The following SCFD1 variants were observed in gnomAD, a reference collection of about 807,000 sequenced individuals.
SCFD1 encodes sec1 family domain containing 1, also known as sec1 family domain-containing protein 1.
In SCFD1, 37 loss-of-function variants were observed where a neutral mutation model predicts 103.2. That is an observed-to-expected ratio of 0.36 (90% CI 0.28 to 0.47). The LOEUF (loss-of-function observed/expected upper bound fraction) is 0.47. SCFD1 is among the 20% of genes least tolerant of loss of function. The probability of loss-of-function intolerance (pLI) is 1.00; values close to 1 mark genes in which losing one functional copy is unlikely to be tolerated. For synonymous variants in SCFD1, 264 were observed against 245.0 expected (o/e 1.08, Z -0.73); for missense variants, 639 against 761.2 (o/e 0.84, Z 1.89).
chr14:30,713,707 A>G (rs944479915), intron 19 of SCFD1, among the ~76,000 whole-genome samples: 3 of 152,162 alleles, frequency 2.0e-5, no homozygotes, highest in Non-Finnish European at 4.4e-5. Flanking sequence ...ATTTTCCTCC[A>G]TTGTATAGAT....
At chr14:30,682,478 C>CACCG (rs1485883921) in intron 14 of SCFD1, among the ~76,000 whole-genome samples, 1 of 152,126 alleles carries the variant, frequency 6.6e-6, no homozygotes, top group Non-Finnish European at 1.5e-5. Context: ...GTGGCAAACC[C>CACCG]ACCGGTATGA....
At chr14:30,713,574 T>A (rs1170445233) in intron 19 of SCFD1, among the ~76,000 whole-genome samples, 1 of 152,222 alleles carries the variant, frequency 6.6e-6, no homozygotes, top group Non-Finnish European at 1.5e-5. Flanking sequence ...AAATCTCATT[T>A]TAGACTAAAT....
At chr14:30,691,603 G>T (rs1267509074) in intron 14 of SCFD1, among the ~76,000 whole-genome samples, 1 of 152,152 alleles carries the variant, frequency 6.6e-6, no homozygotes, top group Non-Finnish European at 1.5e-5. Flanking sequence ...CAGCTTTGTT[G>T]AGATGTAACT....
intron 19 of SCFD1, among the ~76,000 whole-genome samples, chr14:30,709,415 T>C (rs148840406): frequency 3.4e-4 from 52 of 152,258 alleles, no homozygotes; most frequent in African/African-American, 1.2e-3. Context: ...GTATATTTTG[T>C]AGAGATGGGG....
chr14:30,702,023 A>G (rs1891113956), intron 16 of SCFD1, among the ~76,000 whole-genome samples: 2 of 152,192 alleles, frequency 1.3e-5, no homozygotes, highest in Non-Finnish European at 2.9e-5. Context: ...GCAGTAAAGG[A>G]AAAAATAGCT....
At chr14:30,709,989 G>C (rs570366024) in intron 19 of SCFD1, among the ~76,000 whole-genome samples, 115 of 152,178 alleles carry the variant, frequency 7.6e-4, no homozygotes, top group African/African-American at 2.3e-3. Context: ...ATAATATTTA[G>C]AAATTACAGA....
At chr14:30,627,388 CAGAT>C (rs1418915761) in intron 1 of SCFD1, among the ~76,000 whole-genome samples, 1 of 152,160 alleles carries the variant, frequency 6.6e-6, no homozygotes, top group Admixed American at 6.5e-5. Flanking sequence ...TAACTATAGA[CAGAT>C]CTGTATGAAG....
intron 14 of SCFD1, among the ~76,000 whole-genome samples, chr14:30,677,461 C>T (rs1168025258): frequency 1.3e-5 from 2 of 152,262 alleles, no homozygotes; most frequent in Middle Eastern, 3.4e-3. Context: ...ACACACTACT[C>T]CTAGTTGGGT....
chr14:30,670,129 G>T (rs34339578), intron 10 of SCFD1, 127 bp from the exon 11 acceptor site: 25,006 of 698,766 alleles, frequency 0.036, 585 homozygotes, highest in Middle Eastern at 0.055. Flanking sequence ...TGTAACAAAA[G>T]ATTGGGAGGA....
chr14:30,645,245 G>A (rs1168947981), intron 7 of SCFD1, among the ~76,000 whole-genome samples: 3 of 152,256 alleles, frequency 2.0e-5, no homozygotes, highest in Middle Eastern at 3.4e-3. Flanking sequence ...CCGTGTAGTA[G>A]TATACTTCGA....
intron 15 of SCFD1, among the ~76,000 whole-genome samples, chr14:30,697,032 C>G (rs534002204): frequency 6.6e-6 from 1 of 152,200 alleles, no homozygotes; most frequent in African/African-American, 2.4e-5. Context: ...CGCTATATAT[C>G]TGTTCAGATA....
intron 7 of SCFD1, among the ~76,000 whole-genome samples, chr14:30,647,676 T>G (rs1011845777): frequency 6.6e-6 from 1 of 152,172 alleles, no homozygotes; most frequent in Non-Finnish European, 1.5e-5. Flanking sequence ...CTTTCTATTT[T>G]GTCACCCCAC....
chr14:30,717,721 G>C (rs374428316), intron 20 of SCFD1, among the ~76,000 whole-genome samples: 18 of 151,614 alleles, frequency 1.2e-4, no homozygotes, highest in East Asian at 3.9e-4. Context: ...GTGAAACCCC[G>C]TCTCTACAAA....
chr14:30,675,913 A>G (rs1205602525), intron 14 of SCFD1, among the ~76,000 whole-genome samples: 4 of 152,240 alleles, frequency 2.6e-5, no homozygotes, highest in Non-Finnish European at 5.9e-5. Flanking sequence ...TTAAACCTGC[A>G]TAATTACTAT....
chr14:30,656,187 G>A (rs1886879349), intron 10 of SCFD1, among the ~76,000 whole-genome samples: 1 of 152,028 alleles, frequency 6.6e-6, no homozygotes, highest in Admixed American at 6.6e-5. Flanking sequence ...CATGAGTCTG[G>A]AGTTCAGGAA....
chr14:30,654,757 G>A (rs1366842698), intron 10 of SCFD1, among the ~76,000 whole-genome samples: 2 of 152,024 alleles, frequency 1.3e-5, no homozygotes, highest in African/African-American at 2.4e-5. Context: ...GCTCTAAAGT[G>A]TTTATTTAAA....
chr14:30,649,139 C>G (rs1429045938), intron 7 of SCFD1, among the ~76,000 whole-genome samples: 1 of 152,040 alleles, frequency 6.6e-6, no homozygotes, highest in African/African-American at 2.4e-5. Context: ...AGGTTCATTT[C>G]TGAAACTTAT....
intron 23 of SCFD1, among the ~76,000 whole-genome samples, chr14:30,725,240 T>C (rs1397899404): frequency 3.9e-5 from 6 of 152,206 alleles, no homozygotes; most frequent in Non-Finnish European, 8.8e-5. Context: ...GGTGATTTAA[T>C]AGGAATAGCA....
At chr14:30,682,851 ACT>A (rs1889597069) in intron 14 of SCFD1, among the ~76,000 whole-genome samples, 1 of 152,150 alleles carries the variant, frequency 6.6e-6, no homozygotes, top group South Asian at 2.1e-4. Flanking sequence ...CTTGAGATAT[ACT>A]TTTTTTTTAA....
Sources: gnomAD v4.1 joint callset for allele counts (sites outside exome capture counted in the v4.1 genomes callset) on GRCh38, gnomAD v4.1.1 for gene constraint, MANE v1.5 for transcripts, NCBI Gene and HGNC (gene_info 2026-07-23, HGNC 2026-07-21) for gene names.